The following EPS8 variants were observed in gnomAD, a reference collection of about 807,000 sequenced individuals.
EPS8 encodes the protein epidermal growth factor receptor kinase substrate 8.
A neutral mutation model predicts 103.8 loss-of-function variants in EPS8; 42 were observed. That is an observed-to-expected ratio of 0.40 (90% CI 0.32 to 0.52). The LOEUF is 0.52. Ranked by LOEUF, EPS8 falls within the 20% of genes least tolerant of loss-of-function variation. The pLI is 0.40. For missense variants in EPS8, 969 were observed against 1,005.1 expected (o/e 0.96, Z 0.49); for synonymous variants, 344 against 344.6 (o/e 1.00, Z 0.02).
intron 3 of EPS8, among the ~76,000 whole-genome samples, chr12:15,671,207 C>T (rs1312424227): frequency 6.6e-6 from 1 of 152,052 alleles, no homozygotes. Flanking sequence ...GTTATTTCAT[C>T]TAAAGGTTTT....
rs774600287 is a variant in EPS8 at position 15,624,419 on chromosome 12, C to T, written c.2045-12G>A. On this transcript the variant is annotated splice_polypyrimidine_tract_variant and intron_variant, in intron 18 of 20. Coordinates refer to ENST00000281172, the MANE Select transcript of EPS8 (RefSeq NM_004447.6). Reference sequence around the variant, plus strand: ...CTGAGATTTCCTTCCTAGACACCAACAGGGAGTAGGTTCTTTTTGAAAATC... The same window carrying T: ...CTGAGATTTCCTTCCTAGACACCAATAGGGAGTAGGTTCTTTTTGAAAATC... 2 of 1,539,822 alleles carry T rather than the reference C, an allele frequency of 1.3e-6. No homozygotes were observed. The highest frequency in any genetic ancestry group is 2.0e-5 in the Admixed American group (1 of 50,796).
intron 1 of EPS8, among the ~76,000 whole-genome samples, chr12:15,739,022 C>G (rs1946793677): frequency 6.6e-6 from 1 of 152,182 alleles, no homozygotes; most frequent in South Asian, 2.1e-4. Flanking sequence ...CCCTGGGTTA[C>G]TATTCTAAGC....
In EPS8 at chr12:15,676,669, G is replaced by T. The variant is rs544754598; in HGVS notation, c.136+4557C>A. Among the ~76,000 whole-genome samples the T allele has an allele frequency of 2.0e-5, 3 of 152,278 alleles. No homozygotes were observed. In the South Asian group the frequency reaches 6.2e-4, roughly 32 times the overall value. ...CTTAAAGGCTTTGACAAACAGCCTA[G>T]TTGGAAAAAAATATAAAATTTCCAG... On this transcript the variant is annotated intron_variant, in intron 3 of 20. Transcript: ENST00000281172.
intron 12 of EPS8, among the ~76,000 whole-genome samples, chr12:15,654,955 C>A (rs1027054216): frequency 3.3e-5 from 5 of 152,098 alleles, no homozygotes; most frequent in African/African-American, 1.2e-4. Context: ...TCAAAAACTG[C>A]TCTAAATTTA....
chr12:15,705,212 C>T (rs1946368519), intron 1 of EPS8, among the ~76,000 whole-genome samples: 1 of 152,152 alleles, frequency 6.6e-6, no homozygotes, highest in Non-Finnish European at 1.5e-5. Context: ...TTACCTTAGT[C>T]AAACAGAGTA....
At chr12:15,763,485 G>A (rs1390244359) in intron 1 of EPS8, among the ~76,000 whole-genome samples, 1 of 152,142 alleles carries the variant, frequency 6.6e-6, no homozygotes, top group African/African-American at 2.4e-5. Flanking sequence ...AACAAAATAA[G>A]AGGCAGAGGA....
At chr12:15,666,175 T>C (rs993089409) in intron 7 of EPS8, among the ~76,000 whole-genome samples, 10 of 152,218 alleles carry the variant, frequency 6.6e-5, no homozygotes, top group Non-Finnish European at 1.2e-4. Flanking sequence ...TTCCCTAGGA[T>C]ACCTTCTCTT....
intron 1 of EPS8, among the ~76,000 whole-genome samples, chr12:15,750,500 C>T (rs1194710557): frequency 6.6e-6 from 1 of 152,154 alleles, no homozygotes; most frequent in East Asian, 1.9e-4. Context: ...GAAAAGTATA[C>T]ATCTTTATGG....
At chr12:15,659,398 T>A (rs1945565194) in intron 10 of EPS8, among the ~76,000 whole-genome samples, 1 of 152,030 alleles carries the variant, frequency 6.6e-6, no homozygotes, top group Non-Finnish European at 1.5e-5. Context: ...GGGAAAAAAC[T>A]GGATACAGGA....
chr12:15,718,206 T>A (rs755591461), intron 1 of EPS8, among the ~76,000 whole-genome samples: 3 of 152,152 alleles, frequency 2.0e-5, no homozygotes, highest in South Asian at 2.1e-4. Context: ...ATTTGTACAG[T>A]CTCATTCAGA....
intron 3 of EPS8, 88 bp from the exon 4 acceptor site, chr12:15,671,011 T>C: frequency 1.1e-6 from 1 of 885,050 alleles, no homozygotes; most frequent in Non-Finnish European, 1.9e-6. Flanking sequence ...CTAAAACTAG[T>C]CTATCTCACA....
chr12:15,756,494 A>C (rs1946987482), intron 1 of EPS8, among the ~76,000 whole-genome samples: 3 of 152,202 alleles, frequency 2.0e-5, no homozygotes, highest in African/African-American at 7.2e-5. Context: ...GAAAAACTTT[A>C]AAGGCTCTAT....
rs142832585 is a variant in EPS8 at position 15,717,607 on chromosome 12, A to G, written c.-21-34635T>C. Among the ~76,000 whole-genome samples, 1 of 152,222 alleles carries G rather than the reference A, an allele frequency of 6.6e-6. No individual in the cohort carries two copies. The highest frequency in any genetic ancestry group is 2.4e-5 in the African/African-American group (1 of 41,526). ...ATCTCAAAAAAAAAGAAAGAAAGAA[A>G]GAAAAAAGAAATGAAATGGACACTT... On this transcript the variant is annotated intron_variant, in intron 1 of 20. Coordinates refer to ENST00000281172, the MANE Select transcript of EPS8 (RefSeq NM_004447.6). The surrounding 1 kb of genome is among the most constrained non-coding windows in gnomAD (Gnocchi z 4.3).
At chr12:15,726,658 GAC>G (rs1946656781) in intron 1 of EPS8, among the ~76,000 whole-genome samples, 1 of 152,160 alleles carries the variant, frequency 6.6e-6, no homozygotes, top group South Asian at 2.1e-4. Context: ...AAAATAGTGA[GAC>G]AGCAAAAAGA....
intron 1 of EPS8, among the ~76,000 whole-genome samples, chr12:15,687,778 T>G (rs1946115683): frequency 6.6e-6 from 1 of 152,216 alleles, no homozygotes; most frequent in Non-Finnish European, 1.5e-5. Flanking sequence ...GATGACATCA[T>G]CAGCACACAT....
At position 15,638,734 on chromosome 12, in the gene EPS8, A is replaced by G. The variant is rs1366595378; in HGVS notation, c.1821+1969T>C. Among the ~76,000 whole-genome samples, 14 of 152,246 alleles carry G rather than the reference A, an allele frequency of 9.2e-5. 1 individual carries two copies. Among genetic ancestry groups the G allele is most frequent in the Admixed American group, 8.5e-4 (13 of 15,288 alleles). On this transcript the variant is annotated intron_variant, in intron 17 of 20. Transcript: ENST00000281172. ...TTCTTGGGTTGTGCCAAAGTTGACA[A>G]AAATAAAAGATGAGGTTCTGTTTAA...
rs1947148656 is a variant in EPS8 at position 15,771,026 on chromosome 12, C to T, written c.-22+18135G>A. 6.6e-6 allele frequency among the ~76,000 whole-genome samples: 1 copy of T among 152,006 alleles called. No individual in the cohort carries two copies. The highest frequency in any genetic ancestry group is 1.5e-5 in the Non-Finnish European group (1 of 68,014). ...TTGATACCTGGTATCAGGTAACACA[C>T]ATGTATATAAATTACAGTTCACGAA... is the stretch of plus-strand genomic sequence containing the variant. On this transcript the variant is annotated intron_variant, in intron 1 of 20. Coordinates refer to ENST00000281172, the MANE Select transcript of EPS8 (RefSeq NM_004447.6). The surrounding 1 kb of genome is among the most constrained non-coding windows in gnomAD (Gnocchi z 4.6).
At chr12:15,659,552 G>A (rs1460039420) in intron 10 of EPS8, among the ~76,000 whole-genome samples, 2 of 152,070 alleles carry the variant, frequency 1.3e-5, no homozygotes, top group African/African-American at 4.8e-5. Context: ...TAAGATACCA[G>A]GAAGCAATAG....
At chr12:15,742,638 T>A (rs1946836768) in intron 1 of EPS8, among the ~76,000 whole-genome samples, 1 of 152,176 alleles carries the variant, frequency 6.6e-6, no homozygotes, top group Non-Finnish European at 1.5e-5. Flanking sequence ...ATCCAGCATT[T>A]AAACAGAACC....
Sources: allele counts gnomAD v4.1 joint callset (sites outside exome capture counted in the v4.1 genomes callset), GRCh38; gene constraint gnomAD v4.1.1; non-coding constraint Gnocchi (gnomAD v3.1); transcripts MANE v1.5; gene names NCBI Gene and HGNC (gene_info 2026-07-23, HGNC 2026-07-21).